DAB1: variants seen among roughly 807,000 people sequenced by gnomAD.
DAB1 encodes disabled homolog 1.
DAB1 carries 15 observed loss-of-function variants against 64.6 expected under a neutral mutation model. That is an observed-to-expected ratio of 0.23 (90% CI 0.16 to 0.36). The LOEUF is 0.36. Ranked by LOEUF, DAB1 falls within the 10% of genes least tolerant of loss-of-function variation. The pLI, the probability that DAB1 is intolerant of heterozygous loss-of-function variation, is 1.00. For missense variants in DAB1, 596 were observed against 706.7 expected (o/e 0.84, Z 1.78); for synonymous variants, 235 against 251.9 (o/e 0.93, Z 0.64).
At chr1:57,352,240 A>G (rs1678647319) in intron 1 of DAB1, among the ~76,000 whole-genome samples, 1 of 152,138 alleles carries the variant, frequency 6.6e-6, no homozygotes, top group South Asian at 2.1e-4. Context: ...AATCCTTCTA[A>G]GCCTCAGTTT....
In DAB1 at chr1:58,026,729, G is replaced by T. The variant is rs563347069; in HGVS notation, n.387+123782C>A. 2.0e-5 allele frequency among the ~76,000 whole-genome samples: 3 copies of T among 152,274 alleles called. No individual in the cohort carries two copies. The East Asian group carries it at 5.8e-4, about 29-fold the overall frequency. On this transcript the variant is annotated intron_variant and non_coding_transcript_variant, in intron 5 of 20. Coordinates refer to the DAB1 transcript ENST00000485760. ...CAGAGTTATGCCTTTGTCTTTCATG[G>T]GTTGCTCCTTTCCCTGATGCAGTCC...
intron 2 of DAB1, among the ~76,000 whole-genome samples, chr1:57,212,603 G>A (rs1051895919): frequency 6.6e-6 from 1 of 151,756 alleles, no homozygotes; most frequent in Admixed American, 6.6e-5. Context: ...TCCTAACCTC[G>A]TGACCCACCC....
At chr1:57,731,944 T>A (rs1472053894) in intron 6 of DAB1, among the ~76,000 whole-genome samples, 1 of 152,180 alleles carries the variant, frequency 6.6e-6, no homozygotes, top group Non-Finnish European at 1.5e-5. Context: ...ATAATATGCA[T>A]CCGAGCAAGG....
intron 5 of DAB1, among the ~76,000 whole-genome samples, chr1:58,055,980 C>T (rs545866577): frequency 2.3e-3 from 353 of 151,402 alleles, no homozygotes; most frequent in African/African-American, 7.9e-3. Flanking sequence ...TCAAGAAATC[C>T]GCCTGCCTCG....
chr1:58,335,199 TAGA>T (rs1201968891), intron 4 of DAB1, among the ~76,000 whole-genome samples: 1 of 152,116 alleles, frequency 6.6e-6, no homozygotes, highest in Non-Finnish European at 1.5e-5. Flanking sequence ...GCATCCCAGG[TAGA>T]AGGACTAGCA....
chr1:57,331,417 TAAG>T (rs1414041682), intron 1 of DAB1, among the ~76,000 whole-genome samples: 1 of 152,170 alleles, frequency 6.6e-6, no homozygotes, highest in Non-Finnish European at 1.5e-5. Context: ...CTCTGCCCAA[TAAG>T]GAGGCAGTAT....
At chr1:57,410,414 T>C (rs1684014291) in intron 1 of DAB1, among the ~76,000 whole-genome samples, 2 of 152,184 alleles carry the variant, frequency 1.3e-5, no homozygotes, top group Non-Finnish European at 2.9e-5. Flanking sequence ...GATCAATAGA[T>C]GTGGAACAGA....
chr1:57,566,516 G>C (rs748860717), intron 7 of DAB1, among the ~76,000 whole-genome samples: 1 of 151,958 alleles, frequency 6.6e-6, no homozygotes, highest in Non-Finnish European at 1.5e-5. Flanking sequence ...CAACAAAATC[G>C]ATAGACCGCT....
chr1:58,089,686 T>C (rs1485857979), intron 5 of DAB1, among the ~76,000 whole-genome samples: 1 of 152,184 alleles, frequency 6.6e-6, no homozygotes, highest in Non-Finnish European at 1.5e-5. Context: ...ATGAGATGGA[T>C]AGCTCCGGTG....
chr1:58,098,630 T>C (rs1300930512), intron 5 of DAB1, among the ~76,000 whole-genome samples: 3 of 152,178 alleles, frequency 2.0e-5, no homozygotes, highest in Non-Finnish European at 4.4e-5. Context: ...TATACAACAA[T>C]AGGGTCTGGA....
chr1:57,774,094 T>C (rs893130216), intron 6 of DAB1, among the ~76,000 whole-genome samples: 2 of 151,844 alleles, frequency 1.3e-5, no homozygotes, highest in African/African-American at 4.8e-5. Flanking sequence ...CTGGGGAAAA[T>C]GGACATCATA....
chr1:57,702,987 T>C (rs1277576529), intron 6 of DAB1, among the ~76,000 whole-genome samples: 2 of 152,186 alleles, frequency 1.3e-5, no homozygotes, highest in Non-Finnish European at 2.9e-5. Flanking sequence ...GTTAGCTATA[T>C]ACAGAAGATT....
intron 3 of DAB1, among the ~76,000 whole-genome samples, chr1:58,389,277 AT>A (rs1170077279): frequency 6.6e-6 from 1 of 152,140 alleles, no homozygotes; most frequent in African/African-American, 2.4e-5. Context: ...ATTTCTAAAA[AT>A]ATTTTCTTAA....
intron 11 of DAB1, among the ~76,000 whole-genome samples, chr1:57,020,147 TG>T (rs1425607623): frequency 6.6e-6 from 1 of 152,240 alleles, no homozygotes; most frequent in African/African-American, 2.4e-5. Context: ...CTTACATTTT[TG>T]TGAAGGTGAT....
intron 5 of DAB1, among the ~76,000 whole-genome samples, chr1:58,050,856 C>G (rs539043285): frequency 3.2e-4 from 48 of 152,184 alleles, no homozygotes; most frequent in African/African-American, 9.9e-4. Context: ...ATGAGTTGGA[C>G]AGTGGCACAT....
intron 1 of DAB1, among the ~76,000 whole-genome samples, chr1:57,393,750 A>C (rs545717636): frequency 3.3e-5 from 5 of 152,260 alleles, no homozygotes; most frequent in African/African-American, 1.2e-4. Context: ...TTTCTAGGTA[A>C]AGTTTTATTG....
intron 4 of DAB1, among the ~76,000 whole-genome samples, chr1:58,206,649 T>C (rs536026736): frequency 1.4e-4 from 22 of 152,342 alleles, no homozygotes; most frequent in African/African-American, 5.1e-4. Flanking sequence ...TTGCTGTTTT[T>C]AGAGTAGTGA....
intron 4 of DAB1, among the ~76,000 whole-genome samples, chr1:58,319,426 T>A (rs1662633380): frequency 6.6e-6 from 1 of 152,164 alleles, no homozygotes; most frequent in Non-Finnish European, 1.5e-5. Context: ...ATAATTATTG[T>A]TGTGACTCAT....
At chr1:58,065,646 T>C (rs183064132) in intron 5 of DAB1, among the ~76,000 whole-genome samples, 2 of 152,166 alleles carry the variant, frequency 1.3e-5, no homozygotes, top group African/African-American at 4.8e-5. Flanking sequence ...CATGGTCAAG[T>C]TGGCGGGCTC....
Sources: gnomAD v4.1 joint callset for allele counts (sites outside exome capture counted in the v4.1 genomes callset) on GRCh38, gnomAD v4.1.1 for gene constraint, MANE v1.5 for transcripts, NCBI Gene and HGNC (gene_info 2026-07-23, HGNC 2026-07-21) for gene names.